RNF19A: variants seen among roughly 807,000 people sequenced by gnomAD.
RNF19A encodes the protein E3 ubiquitin-protein ligase RNF19A.
Under a neutral mutation model 75.7 loss-of-function variants are expected in RNF19A, and 32 were observed. The observed-to-expected ratio is 0.42, with a 90% CI of 0.32 to 0.57. The LOEUF is 0.57. Ranked by LOEUF, RNF19A falls within the 20% of genes least tolerant of loss-of-function variation. RNF19A has a pLI of 0.10. For synonymous variants in RNF19A, 335 were observed against 345.2 expected, an observed-to-expected ratio of 0.97 and a Z score of 0.33; for missense variants, 782 against 1,036.3, an observed-to-expected ratio of 0.75 and a Z score of 3.37.
chr8:100,296,083 G>A (rs1821544316), intron 1 of RNF19A, among the ~76,000 whole-genome samples: 1 of 152,068 alleles, frequency 6.6e-6, no homozygotes. Context: ...CATTCTCTGG[G>A]CATTATTCTT....
chr8:100,260,247 AG>A lies in RNF19A; in HGVS notation c.1683-251del, dbSNP rs1319297196. On this transcript the variant is annotated intron_variant, in intron 8 of 9. Transcript: ENST00000341084. This position sits in a 1 kb window ranked among gnomAD's most constrained non-coding sequence, Gnocchi z 4.1. Reference sequence around the variant, plus strand: ...ATGAAATAACACAAAAAAGACACAAAGGATTTTCACTTAAATGTACTCCATT... The same window carrying A: ...ATGAAATAACACAAAAAAGACACAAAGATTTTCACTTAAATGTACTCCATT... Among the ~76,000 whole-genome samples the A allele has an allele frequency of 6.6e-6, 1 of 152,172 alleles. No homozygotes were observed. Among genetic ancestry groups the A allele is most frequent in the Non-Finnish European group, 1.5e-5 (1 of 68,036 alleles).
intron 1 of RNF19A, among the ~76,000 whole-genome samples, chr8:100,292,208 T>TA (rs944787971): frequency 3.3e-5 from 5 of 151,918 alleles, no homozygotes; most frequent in South Asian, 2.1e-4. Context: ...TAATAAAGAA[T>TA]AAAAAAAACA....
chr8:100,277,993 T>C (rs1357138274), intron 2 of RNF19A, among the ~76,000 whole-genome samples: 3 of 152,218 alleles, frequency 2.0e-5, no homozygotes, highest in African/African-American at 7.2e-5. Flanking sequence ...TTTTCTGAAG[T>C]TGGTTACAAT....
chr8:100,290,502 T>C (rs774769049), intron 1 of RNF19A, among the ~76,000 whole-genome samples: 1 of 152,212 alleles, frequency 6.6e-6, no homozygotes, highest in Non-Finnish European at 1.5e-5. Flanking sequence ...TGCCTTTTTC[T>C]ATGTGTTTTT....
At chr8:100,309,669 A>C (rs1586690679) in intron 1 of RNF19A, 198 bp downstream of exon 1, 1 of 928,502 alleles carries the variant, frequency 1.1e-6, no homozygotes, top group Non-Finnish European at 1.3e-6. Flanking sequence ...CCGAGGCCTG[A>C]CCCCCTAAGC....
chr8:100,323,434 G>A lies in RNF19A; in HGVS notation c.-242-10062C>T, dbSNP rs1339808535. Among the ~76,000 whole-genome samples, 1 of 152,170 alleles carries A rather than the reference G, an allele frequency of 6.6e-6. No homozygotes were observed. Among genetic ancestry groups the A allele is most frequent in the Non-Finnish European group, 1.5e-5 (1 of 68,034 alleles). ...GGCAACTAAGTAGAAAATAACTCCTGCTGGACAGCCTGTTTTTGCAGGATG... is the reference window on the plus strand; with the variant it reads ...GGCAACTAAGTAGAAAATAACTCCTACTGGACAGCCTGTTTTTGCAGGATG... On this transcript the variant is annotated intron_variant, in intron 1 of 3. Coordinates refer to the RNF19A transcript ENST00000519527. The surrounding 1 kb of genome is among the most constrained non-coding windows in gnomAD (Gnocchi z 4.6).
chr8:100,320,651 T>C (rs1156434170), intron 1 of RNF19A, among the ~76,000 whole-genome samples: 1 of 152,196 alleles, frequency 6.6e-6, no homozygotes, highest in Non-Finnish European at 1.5e-5. Context: ...TTAGGCCTGT[T>C]TTCTCATTTT....
In RNF19A at chr8:100,317,102, C is replaced by G. The variant is rs888384414; in HGVS notation, c.-242-3730G>C. On this transcript the variant is annotated intron_variant, in intron 1 of 3. Coordinates refer to the RNF19A transcript ENST00000519527. This position sits in a 1 kb window ranked among gnomAD's most constrained non-coding sequence, Gnocchi z 4.3. Reference sequence around the variant, plus strand: ...CTGCCAAGCCCACGCCCACGCCCACCCGGAACTCCAGCTGGCCCGCAAGCG... The same window carrying G: ...CTGCCAAGCCCACGCCCACGCCCACGCGGAACTCCAGCTGGCCCGCAAGCG... Among the ~76,000 whole-genome samples, 2 of 152,226 alleles carry G rather than the reference C, an allele frequency of 1.3e-5. No individual in the cohort carries two copies. Among genetic ancestry groups the G allele is most frequent in the African/African-American group, 4.8e-5 (2 of 41,456 alleles).
Position 100,259,258 on chromosome 8 carries a change from G to T in RNF19A, c.1827-12C>A. 6.3e-7 allele frequency: 1 copy of T among 1,588,836 alleles called. No individual in the cohort carries two copies. Among genetic ancestry groups the T allele is most frequent in the Non-Finnish European group, 8.6e-7 (1 of 1,166,554 alleles). On this transcript the variant is annotated splice_polypyrimidine_tract_variant and intron_variant, in intron 9 of 9. Coordinates refer to ENST00000341084, the MANE Select transcript of RNF19A (RefSeq NM_183419.4). This position sits in a 1 kb window ranked among gnomAD's most constrained non-coding sequence, Gnocchi z 4.5. The stretch of plus-strand genomic sequence containing the variant: ...TACTGTTGCCTTCTCTGAAATATAA[G>T]AGTAACAAATACAAACATAATTGCT...
chr8:100,307,813 T>C (rs1822122010), intron 1 of RNF19A, among the ~76,000 whole-genome samples: 1 of 152,212 alleles, frequency 6.6e-6, no homozygotes, highest in African/African-American at 2.4e-5. Context: ...AGATGCTAAG[T>C]ATTTTATTTA....
chr8:100,292,437 T>TATGG lies in RNF19A; in HGVS notation c.-93-4171_-93-4170insCCAT, dbSNP rs1554671913. On this transcript the variant is annotated intron_variant, in intron 1 of 9. Transcript: ENST00000341084. ...ATAAAGAGGCTTGCTATCATATGGG[T>TATGG]GTGTGTGTGTGTGTGTGTGTGTGTG... 2.4e-4 allele frequency among the ~76,000 whole-genome samples: 25 copies of TATGG among 102,118 alleles called. No homozygotes were observed. The Middle Eastern group carries it at 0.015, about 63-fold the overall frequency. 67.0% of individuals were successfully genotyped at this position (102,118 alleles called of 152,430 possible).
At chr8:100,272,679 C>T (rs571030599) in intron 3 of RNF19A, among the ~76,000 whole-genome samples, 4 of 152,054 alleles carry the variant, frequency 2.6e-5, no homozygotes, top group Non-Finnish European at 5.9e-5. Flanking sequence ...TGGCACACAC[C>T]ACTAGAGATG....
At chr8:100,303,531 C>G (rs150162337) in intron 1 of RNF19A, 4 of 152,056 alleles carry the variant, frequency 2.6e-5, no homozygotes, top group Non-Finnish European at 1.5e-5. Flanking sequence ...GGTTACCATG[C>G]AACACACTAA....
upstream of RNF19A, among the ~76,000 whole-genome samples, chr8:100,313,902 C>CTTT (rs371385291): frequency 7.5e-6 from 1 of 132,610 alleles, no homozygotes; most frequent in Non-Finnish European, 1.6e-5. Context: ...AAGAGAACTA[C>CTTT]TTTTTTTTTG....
At chr8:100,263,450 T>G (rs1006277494) in intron 7 of RNF19A, among the ~76,000 whole-genome samples, 2 of 152,166 alleles carry the variant, frequency 1.3e-5, no homozygotes, top group African/African-American at 4.8e-5. Flanking sequence ...AAAAATCTGA[T>G]TGAGGCCAGT....
At position 100,259,348 on chromosome 8, in the gene RNF19A, G is replaced by A; in HGVS notation, c.1827-102C>T. ...TGTGGAAAATTCAGACTATATATAA[G>A]CTATGAGAACACCTTAACGCAGAAC... On this transcript the variant is annotated intron_variant, in intron 9 of 9. Transcript: ENST00000341084. This position sits in a 1 kb window ranked among gnomAD's most constrained non-coding sequence, Gnocchi z 4.5. 1.1e-6 allele frequency: 1 copy of A among 890,180 alleles called. No individual in the cohort carries two copies. The highest frequency in any genetic ancestry group is 2.4e-5 in the Admixed American group (1 of 41,512). The allele number at this position is 890,180 out of a possible 1,614,324, so 55.1% of individuals were successfully genotyped here.
In RNF19A at chr8:100,257,642, T is replaced by C; in HGVS notation, c.*914A>G. On this transcript the variant is annotated 3_prime_UTR_variant, in exon 10 of 10. Coordinates refer to ENST00000341084, the MANE Select transcript of RNF19A (RefSeq NM_183419.4). ...CAGCATTATTAATCACATTCATGTTTATCTATTTCCTGTATTTTTATATAT... is the reference window on the plus strand; with the variant it reads ...CAGCATTATTAATCACATTCATGTTCATCTATTTCCTGTATTTTTATATAT... The C allele has an allele frequency of 5.5e-6, 1 of 182,004 alleles. No homozygotes were observed. 11.3% of individuals were successfully genotyped at this position (182,004 alleles called of 1,614,324 possible). A position where few individuals can be genotyped will look rare whatever the true frequency, so the allele number is the denominator to read the frequency against.
intron 3 of RNF19A, among the ~76,000 whole-genome samples, chr8:100,273,651 C>T (rs1254424312): frequency 1.3e-5 from 2 of 152,170 alleles, no homozygotes; most frequent in Non-Finnish European, 2.9e-5. Context: ...CCCAGACATA[C>T]TTAAATCTCT....
At chr8:100,300,046 T>TA in intron 1 of RNF19A, among the ~76,000 whole-genome samples, 1 of 152,286 alleles carries the variant, frequency 6.6e-6, no homozygotes, top group East Asian at 1.9e-4. Flanking sequence ...TCCTAGAACT[T>TA]AGTTTTAAAA....
Sources: gnomAD v4.1 joint callset for allele counts (sites outside exome capture counted in the v4.1 genomes callset) on GRCh38, gnomAD v4.1.1 for gene constraint, Gnocchi (gnomAD v3.1) non-coding constraint, MANE v1.5 for transcripts, NCBI Gene and HGNC (gene_info 2026-07-23, HGNC 2026-07-21) for gene names.